PGBD5: variants seen among roughly 807,000 people sequenced by gnomAD.
The protein encoded by PGBD5 is piggyBac transposable element derived 5.
In PGBD5, 14 loss-of-function variants were observed where a neutral mutation model predicts 47.9. The observed-to-expected ratio is 0.29, with a 90% CI of 0.19 to 0.46. The LOEUF (loss-of-function observed/expected upper bound fraction) is 0.46. Ranked by LOEUF, PGBD5 falls within the 20% of genes least tolerant of loss-of-function variation. PGBD5 has a pLI of 1.00. For missense variants in PGBD5, 635 were observed against 716.0 expected (o/e 0.89, Z 1.29); for synonymous variants, 316 against 306.3 (o/e 1.03, Z -0.33).
chr1:230,347,966 TG>T (rs1243873305), intron 3 of PGBD5, among the ~76,000 whole-genome samples: 1 of 152,218 alleles, frequency 6.6e-6, no homozygotes, highest in East Asian at 1.9e-4. Context: ...GGTATGCACT[TG>T]CCCCTTCAAA....
chr1:230,354,962 G>C (rs1667613281), intron 2 of PGBD5, among the ~76,000 whole-genome samples: 1 of 152,212 alleles, frequency 6.6e-6, no homozygotes, highest in Non-Finnish European at 1.5e-5. Context: ...AAAAGTGAAG[G>C]CAAAAGTAAA....
At chr1:230,378,725 G>A (rs866817884) in intron 1 of PGBD5, among the ~76,000 whole-genome samples, 5 of 152,144 alleles carry the variant, frequency 3.3e-5, no homozygotes, top group Non-Finnish European at 5.9e-5. Context: ...CTTGCAGCCC[G>A]TAGATCTCAG....
intron 1 of PGBD5, among the ~76,000 whole-genome samples, chr1:230,404,912 C>T (rs1455118297): frequency 1.1e-4 from 13 of 116,782 alleles, no homozygotes; most frequent in African/African-American, 3.4e-4. Context: ...GCAACAAGAG[C>T]GAAACTCCAT....
In PGBD5 at chr1:230,410,661, C is replaced by T. The variant is rs1032885607; in HGVS notation, c.331+14937G>A. On this transcript the variant is annotated intron_variant, in intron 1 of 6. Coordinates refer to ENST00000391860, the MANE Select transcript of PGBD5 (RefSeq NM_001258311.2). ...ACACTTCATATCAAAATTTATAGAACACTCCAGAAGATTTACTCTGAGGAG... is the reference window on the plus strand; with the variant it reads ...ACACTTCATATCAAAATTTATAGAATACTCCAGAAGATTTACTCTGAGGAG... Among the ~76,000 whole-genome samples, 9 of 152,162 alleles carry T rather than the reference C, an allele frequency of 5.9e-5. No individual in the cohort carries two copies. The South Asian group carries it at 1.7e-3, about 28-fold the overall frequency.
At chr1:230,364,501 G>A (rs1571841911) in intron 1 of PGBD5, among the ~76,000 whole-genome samples, 2 of 152,260 alleles carry the variant, frequency 1.3e-5, no homozygotes, top group African/African-American at 2.4e-5. Context: ...TCGCATAAAT[G>A]TATCAAGCAG....
rs1390685860 is a variant in PGBD5, at chr1:230,322,606, G to A, written c.*819C>T. ...CCCTTCCCGGCCCTGCCACAGGCCA[G>A]AACACAGAACTGTGATCATGCAAAG... On this transcript the variant is annotated 3_prime_UTR_variant, in exon 7 of 7. Transcript: ENST00000391860. This position sits in a 1 kb window ranked among gnomAD's most constrained non-coding sequence, Gnocchi z 5.9. 6.5e-6 allele frequency: 1 copy of A among 153,002 alleles called. No homozygotes were observed. Among genetic ancestry groups the A allele is most frequent in the Admixed American group, 6.5e-5 (1 of 15,286 alleles). 9.5% of individuals were successfully genotyped at this position (153,002 alleles called of 1,614,324 possible).
At chr1:230,352,254 C>G (rs750290703) in intron 2 of PGBD5, among the ~76,000 whole-genome samples, 1 of 152,134 alleles carries the variant, frequency 6.6e-6, no homozygotes, top group African/African-American at 2.4e-5. Context: ...GTGACCACAC[C>G]GATACAAAGT....
Position 230,361,832 on chromosome 1 carries a change from G to A in PGBD5, c.332-4511C>T, listed in dbSNP as rs564348058. On this transcript the variant is annotated intron_variant, in intron 1 of 6. Coordinates refer to ENST00000391860, the MANE Select transcript of PGBD5 (RefSeq NM_001258311.2). ...CAGAGGAGAGCTGTGCCTACAAGAAGGGCCCCAAACCCAGGCCTCAGGGTA... is the reference window on the plus strand; with the variant it reads ...CAGAGGAGAGCTGTGCCTACAAGAAAGGCCCCAAACCCAGGCCTCAGGGTA... 2.6e-5 allele frequency among the ~76,000 whole-genome samples: 4 copies of A among 152,346 alleles called. No individual in the cohort carries two copies. In the South Asian group the frequency reaches 8.3e-4, roughly 32 times the overall value.
At chr1:230,416,807 G>A (rs1289977597) in intron 1 of PGBD5, among the ~76,000 whole-genome samples, 1 of 152,200 alleles carries the variant, frequency 6.6e-6, no homozygotes, top group Non-Finnish European at 1.5e-5. Context: ...AGTTTAAGCA[G>A]AGAAGTGAGT....
intron 1 of PGBD5, among the ~76,000 whole-genome samples, chr1:230,409,275 A>G (rs1158945760): frequency 6.6e-6 from 1 of 152,228 alleles, no homozygotes; most frequent in African/African-American, 2.4e-5. Context: ...GTAAAATGGT[A>G]CAGTCACTTT....
intron 1 of PGBD5, among the ~76,000 whole-genome samples, chr1:230,365,752 C>T (rs114279492): frequency 0.016 from 2,411 of 152,344 alleles, 24 homozygotes; most frequent in Non-Finnish European, 0.025. Context: ...TCAAAATCCC[C>T]ATCACATGTA....
At chr1:230,404,611 CA>C (rs747306411) in intron 1 of PGBD5, among the ~76,000 whole-genome samples, 29,045 of 99,980 alleles carry the variant, frequency 0.29, 3,847 homozygotes, top group Non-Finnish European at 0.34. Flanking sequence ...AGTCTTGTCT[CA>C]AAAAAAAAAA....
chr1:230,320,538 T>C lies in PGBD5; in HGVS notation c.*2887A>G, dbSNP rs1189999426. On this transcript the variant is annotated 3_prime_UTR_variant, in exon 7 of 7. Coordinates refer to ENST00000391860, the MANE Select transcript of PGBD5 (RefSeq NM_001258311.2). ...GCTTAGTGGCTGGATCTGAGTGGAA[T>C]GGGCTCTCACTTGCCATGTGTGCAG... is the stretch of plus-strand genomic sequence containing the variant. 6.6e-6 allele frequency: 1 copy of C among 152,188 alleles called. No individual in the cohort carries two copies. The highest frequency in any genetic ancestry group is 1.5e-5 in the Non-Finnish European group (1 of 68,054). The allele number at this position is 152,188 out of a possible 1,614,324, so 9.4% of individuals were successfully genotyped here. A position where few individuals can be genotyped will look rare whatever the true frequency, so the allele number is the denominator to read the frequency against.
At position 230,316,069 on chromosome 1, in the gene PGBD5, CATACATGTT is replaced by C. The variant is rs1666940446; in HGVS notation, c.*7347_*7355del. On this transcript the variant is annotated 3_prime_UTR_variant, in exon 7 of 7. Coordinates refer to ENST00000391860, the MANE Select transcript of PGBD5 (RefSeq NM_001258311.2). ...GTGTACACATATATGTATGTGTATA[CATACATGTT>C]TATGTGTATACATACATATGTTTAT... 1.5e-5 allele frequency: 2 copies of C among 132,660 alleles called. No homozygotes were observed. Among genetic ancestry groups the C allele is most frequent in the Non-Finnish European group, 3.3e-5 (2 of 61,202 alleles). The allele number at this position is 132,660 out of a possible 1,614,324, so 8.2% of individuals were successfully genotyped here.
At chr1:230,350,710 G>A (rs370424372) in intron 3 of PGBD5, among the ~76,000 whole-genome samples, 5 of 152,320 alleles carry the variant, frequency 3.3e-5, no homozygotes, top group Non-Finnish European at 7.3e-5. Flanking sequence ...ATGGGCTTGA[G>A]TCTGGAGGAA....
chr1:230,392,697 G>C (rs1196031850), intron 1 of PGBD5, among the ~76,000 whole-genome samples: 1 of 152,112 alleles, frequency 6.6e-6, no homozygotes, highest in Non-Finnish European at 1.5e-5. Context: ...CCTCAGCAGC[G>C]GCCTGCTCTC....
chr1:230,396,834 C>A (rs559570418), intron 1 of PGBD5, among the ~76,000 whole-genome samples: 2 of 152,278 alleles, frequency 1.3e-5, no homozygotes, highest in South Asian at 4.1e-4. Context: ...GCACCCTCCC[C>A]ATGGGATTGT....
At chr1:230,345,949 TG>T (rs1206821945) in intron 3 of PGBD5, among the ~76,000 whole-genome samples, 10 of 152,218 alleles carry the variant, frequency 6.6e-5, no homozygotes, top group Admixed American at 2.0e-4. Context: ...CTCAAACTCC[TG>T]GACTCAAGTG....
At position 230,315,842 on chromosome 1, in the gene PGBD5, G is replaced by T. The variant is rs1666928578; in HGVS notation, c.*7583C>A. ...TACATATAGAGGTATACATATAGAT[G>T]CATATCTGTATACATGTGTATATAT... On this transcript the variant is annotated 3_prime_UTR_variant, in exon 7 of 7. Transcript: ENST00000391860. The T allele has an allele frequency of 7.6e-6, 1 of 131,256 alleles. No homozygotes were observed. Among genetic ancestry groups the T allele is most frequent in the African/African-American group, 2.7e-5 (1 of 37,580 alleles). 8.1% of individuals were successfully genotyped at this position (131,256 alleles called of 1,614,324 possible). A position where few individuals can be genotyped will look rare whatever the true frequency, so the allele number is the denominator to read the frequency against.
Sources: gnomAD v4.1 joint callset for allele counts (sites outside exome capture counted in the v4.1 genomes callset) on GRCh38, gnomAD v4.1.1 for gene constraint, Gnocchi (gnomAD v3.1) non-coding constraint, MANE v1.5 for transcripts, NCBI Gene and HGNC (gene_info 2026-07-23, HGNC 2026-07-21) for gene names.